The following IGFL4 variants were observed in gnomAD, a reference collection of about 807,000 sequenced individuals.
IGFL4 encodes the protein insulin growth factor-like family member 4.
In IGFL4, 12 loss-of-function variants were observed where a neutral mutation model predicts 15.4. The ratio of observed to expected loss-of-function variants is 0.78; its 90% CI spans 0.50 to 1.26. The LOEUF is 1.26. Among genes scored for constraint, IGFL4 ranks in the 50% most tolerant of loss-of-function variants. The pLI is 0.00. For missense variants in IGFL4, 126 were observed against 147.8 expected (o/e 0.85, Z 0.76); for synonymous variants, 54 against 55.9 (o/e 0.97, Z 0.16).
At chr19:46,066,672 T>A (rs761239971) in intron 1 of IGFL4, among the ~76,000 whole-genome samples, 1 of 151,744 alleles carries the variant, frequency 6.6e-6, no homozygotes, top group Non-Finnish European at 1.5e-5. Context: ...ATGGCTAGAG[T>A]GGGAATGAGA....
intron 2 of IGFL4, chr19:46,058,788 C>T: frequency 6.6e-6 from 1 of 152,236 alleles, no homozygotes; most frequent in Non-Finnish European, 1.5e-5. Context: ...CCCAGCTGTA[C>T]CTTGGCCCCT....
intron 2 of IGFL4, among the ~76,000 whole-genome samples, chr19:46,046,522 T>C (rs140730341): frequency 3.6e-4 from 55 of 152,280 alleles, no homozygotes; most frequent in African/African-American, 1.3e-3. Context: ...CCATCTCACA[T>C]GTGGGACACA....
At chr19:46,075,618 A>G (rs1395672657) in intron 1 of IGFL4, among the ~76,000 whole-genome samples, 1 of 152,202 alleles carries the variant, frequency 6.6e-6, no homozygotes, top group Non-Finnish European at 1.5e-5. Context: ...TCAAGGAGAT[A>G]CTGTCAACAT....
chr19:46,077,537 A>G (rs1035543597), upstream of IGFL4, among the ~76,000 whole-genome samples: 2 of 152,334 alleles, frequency 1.3e-5, no homozygotes, highest in Middle Eastern at 3.4e-3. The surrounding 1 kb of genome is among the most constrained non-coding windows in gnomAD (Gnocchi z 5.4). Flanking sequence ...GGAGCGTTCC[A>G]AGTGTCCAGA....
intron 2 of IGFL4, among the ~76,000 whole-genome samples, chr19:46,052,956 A>G (rs549255840): frequency 4.9e-4 from 53 of 108,124 alleles, no homozygotes; most frequent in African/African-American, 1.9e-3. Context: ...CTTTGGGAGA[A>G]GTCAGAAAAG....
upstream of IGFL4, among the ~76,000 whole-genome samples, chr19:46,044,039 C>T (rs979054295): frequency 3.5e-4 from 53 of 152,084 alleles, no homozygotes; most frequent in African/African-American, 7.2e-4. Context: ...CCATGGAGAA[C>T]GAAGAAATGC....
intron 2 of IGFL4, among the ~76,000 whole-genome samples, chr19:46,049,029 G>T (rs1434302413): frequency 6.6e-6 from 1 of 152,190 alleles, no homozygotes; most frequent in Non-Finnish European, 1.5e-5. Context: ...ATCCTACAAG[G>T]CTACAGTAAC....
chr19:46,044,299 G>A (rs542166650), upstream of IGFL4, among the ~76,000 whole-genome samples: 13 of 152,260 alleles, frequency 8.5e-5, no homozygotes, highest in East Asian at 1.9e-4. Context: ...GGAGTTTTAC[G>A]TACTCTGGCC....
chr19:46,041,463 T>G (rs1329216288), upstream of IGFL4, among the ~76,000 whole-genome samples: 2 of 152,166 alleles, frequency 1.3e-5, no homozygotes, highest in Non-Finnish European at 2.9e-5. Context: ...CGTAGGAGAA[T>G]TTGTGAAGTT....
chr19:46,076,333 T>G (rs1460262229), intron 1 of IGFL4, among the ~76,000 whole-genome samples: 1 of 152,344 alleles, frequency 6.6e-6, no homozygotes, highest in Non-Finnish European at 1.5e-5. Flanking sequence ...TTGCTCAAAT[T>G]GTTCCAGCTT....
chr19:46,045,094 AGGGC>A (rs1969285279), upstream of IGFL4, among the ~76,000 whole-genome samples: 1 of 152,216 alleles, frequency 6.6e-6, no homozygotes, highest in Non-Finnish European at 1.5e-5. Context: ...CTCTCCAGCA[AGGGC>A]ACAGAACTGG....
intron 1 of IGFL4, among the ~76,000 whole-genome samples, chr19:46,076,649 A>C (rs1969600243): frequency 1.3e-5 from 2 of 148,950 alleles, no homozygotes; most frequent in South Asian, 4.2e-4. Context: ...AGTAAATATA[A>C]ATATATTATT....
At position 46,040,172 on chromosome 19, in the gene IGFL4, G is replaced by C. The variant is rs1969223577; in HGVS notation, c.315C>G (p.Thr105=). The C allele has an allele frequency of 2.5e-6, 4 of 1,613,866 alleles. No homozygotes were observed. The African/African-American group carries it at 4.0e-5, about 16-fold the overall frequency. Residue 105 remains threonine (T), a synonymous_variant, in exon 3 of 4, where the codon ACC becomes ACG. Transcript: ENST00000377697. The surrounding 1 kb of genome is among the most constrained non-coding windows in gnomAD (Gnocchi z 4.1). ...AGATCCTTACCTGGGCACAGATCCT[G>C]GTGATAGGGGAGGACTTGCAATCTG... ...MKPDCKSSPI[T]RICAQEYHPK... is the part of the protein sequence containing the mutation.
chr19:46,067,257 T>C (rs1969503909), intron 1 of IGFL4, among the ~76,000 whole-genome samples: 1 of 152,156 alleles, frequency 6.6e-6, no homozygotes, highest in Non-Finnish European at 1.5e-5. Context: ...AACACTACTA[T>C]CTGGACATCC....
chr19:46,066,289 C>G (rs2146526529), intron 1 of IGFL4, among the ~76,000 whole-genome samples: 1 of 152,236 alleles, frequency 6.6e-6, no homozygotes, highest in Non-Finnish European at 1.5e-5. Context: ...AAGTGTTACC[C>G]AAAACATACT....
intron 2 of IGFL4, among the ~76,000 whole-genome samples, chr19:46,051,954 C>A (rs1030202039): frequency 1.3e-5 from 2 of 152,102 alleles, no homozygotes; most frequent in Admixed American, 1.3e-4. Flanking sequence ...AATATACATG[C>A]ACCTAACACT....
At position 46,040,782 on chromosome 19, in the gene IGFL4, C is replaced by G; in HGVS notation, c.19+162G>C. ...AGTTAAGCTTCTGGAATTTGCAGTT[C>G]AGGAGACAGATTACAATGCAGTCAC... On this transcript the variant is annotated intron_variant, in intron 1 of 3. Transcript: ENST00000377697. The surrounding 1 kb of genome is among the most constrained non-coding windows in gnomAD (Gnocchi z 4.1). 1 of 948,308 alleles carries G rather than the reference C, an allele frequency of 1.1e-6. No homozygotes were observed. The highest frequency in any genetic ancestry group is 1.7e-5 in the African/African-American group (1 of 60,424). 58.7% of individuals were successfully genotyped at this position (948,308 alleles called of 1,614,324 possible).
chr19:46,040,324 C>G lies in IGFL4; in HGVS notation c.163G>C (p.Asp55His). Reference sequence around the variant, plus strand: ...CCGCAGAGCCGGGTCTGGTTCAAGTCTAGGATGACACCGTCATCACAGCAC... The same window carrying G: ...CCGCAGAGCCGGGTCTGGTTCAAGTGTAGGATGACACCGTCATCACAGCAC... ...EQCCDDGVIL[D>H]LNQTRLCGSS... The change falls in exon 3 of 4, where the codon GAC becomes CAC. Residue 55 changes from aspartate (D) to histidine (H), a missense_variant. Asp to His is a moderately conservative substitution (Grantham distance 81). Coordinates refer to ENST00000377697, the MANE Select transcript of IGFL4 (RefSeq NM_001002923.3). The surrounding 1 kb of genome is among the most constrained non-coding windows in gnomAD (Gnocchi z 4.1). The G allele has an allele frequency of 6.2e-7, 1 of 1,614,176 alleles. No homozygotes were observed. Among genetic ancestry groups the G allele is most frequent in the Non-Finnish European group, 8.5e-7 (1 of 1,180,038 alleles).
At chr19:46,043,467 G>A (rs922309833), upstream of IGFL4, among the ~76,000 whole-genome samples, 6 of 152,130 alleles carry the variant, frequency 3.9e-5, no homozygotes, top group Non-Finnish European at 7.3e-5. Context: ...ATCTGGAAAG[G>A]CAGTGGAAAC....
Sources: gnomAD v4.1 joint callset for allele counts (sites outside exome capture counted in the v4.1 genomes callset) on GRCh38, gnomAD v4.1.1 for gene constraint, Gnocchi (gnomAD v3.1) non-coding constraint, MANE v1.5 for transcripts, NCBI Gene and HGNC (gene_info 2026-07-23, HGNC 2026-07-21) for gene names.